MPP7: variants seen among roughly 807,000 people sequenced by gnomAD.
MPP7 encodes the protein MAGUK p55 scaffold protein 7.
A neutral mutation model predicts 76.5 loss-of-function variants in MPP7; 60 were observed. The observed-to-expected ratio is 0.78, with a 90% CI of 0.64 to 0.97. The LOEUF is 0.97. Ranked by LOEUF, MPP7 falls within the 50% of genes least tolerant of loss-of-function variation. The pLI is 0.00. For missense variants in MPP7, 641 were observed against 694.0 expected, an observed-to-expected ratio of 0.92 and a Z score of 0.86; for synonymous variants, 237 against 244.5, an observed-to-expected ratio of 0.97 and a Z score of 0.29.
intron 11 of MPP7, among the ~76,000 whole-genome samples, chr10:28,109,174 G>C (rs1834418329): frequency 6.6e-6 from 1 of 152,084 alleles, no homozygotes; most frequent in African/African-American, 2.4e-5. Flanking sequence ...TGTAATCCCA[G>C]CTACTCAGGA....
chr10:28,119,848 A>C (rs920681769), intron 10 of MPP7, 133 bp from the exon 11 acceptor site: 1 of 658,702 alleles, frequency 1.5e-6, no homozygotes, highest in Non-Finnish European at 2.5e-6. Flanking sequence ...ATAGATTCAA[A>C]TTAAGAAACA....
At chr10:28,203,324 G>A (rs144678765) in intron 2 of MPP7, 32 of 152,170 alleles carry the variant, frequency 2.1e-4, no homozygotes, top group African/African-American at 7.5e-4. Flanking sequence ...ATGGGCTGAT[G>A]ATTCGTATAT....
intron 2 of MPP7, among the ~76,000 whole-genome samples, chr10:28,222,847 A>T (rs1322667806): frequency 7.8e-6 from 1 of 127,890 alleles, no homozygotes; most frequent in Non-Finnish European, 1.6e-5. Context: ...GCAAGACTCC[A>T]TCTCAAAAAA....
rs375248260 is a variant in MPP7 at position 28,058,524 on chromosome 10, T to C, written c.1378A>G (p.Lys460Glu). ...DSVRSVLAKN[K>E]VCLLDVQPHT... Reference sequence around the variant, plus strand: ...GGCTGAACATCCAACAAACAAACTTTGTTTTTAGCAAGGACAGACCGAACT... The same window carrying C: ...GGCTGAACATCCAACAAACAAACTTCGTTTTTAGCAAGGACAGACCGAACT... Residue 460 changes from lysine to glutamate, a missense_variant, in exon 15 of 17, where the codon AAA becomes GAA. By Grantham distance (56) the Lys-to-Glu change is moderately conservative. Transcript: ENST00000683449. 1 of 1,602,774 alleles carries C rather than the reference T, an allele frequency of 6.2e-7. No homozygotes were observed.
intron 1 of MPP7, among the ~76,000 whole-genome samples, chr10:28,288,520 A>C (rs3939436): frequency 6.6e-6 from 1 of 152,164 alleles, no homozygotes; most frequent in African/African-American, 2.4e-5. Context: ...GGATTGCAGG[A>C]ATGAGCCACC....
intron 1 of MPP7, among the ~76,000 whole-genome samples, chr10:28,284,512 C>T (rs184081959): frequency 5.3e-5 from 8 of 152,316 alleles, no homozygotes; most frequent in South Asian, 2.1e-4. Context: ...CCTTTCTCCT[C>T]TCACCCTAAT....
At chr10:28,092,342 C>A (rs1487343845) in intron 11 of MPP7, among the ~76,000 whole-genome samples, 1 of 152,036 alleles carries the variant, frequency 6.6e-6, no homozygotes, top group Non-Finnish European at 1.5e-5. Flanking sequence ...GAGAATAGGA[C>A]AAGTTGTAAA....
intron 3 of MPP7, among the ~76,000 whole-genome samples, chr10:28,165,671 A>T (rs990739095): frequency 1.3e-5 from 2 of 152,224 alleles, no homozygotes. Context: ...CATCTTCCAA[A>T]AATCATTTTG....
chr10:28,169,541 T>C (rs1836608586), intron 3 of MPP7, among the ~76,000 whole-genome samples: 1 of 152,104 alleles, frequency 6.6e-6, no homozygotes, highest in Non-Finnish European at 1.5e-5. Flanking sequence ...TAATACACGT[T>C]AGATAATTGC....
intron 1 of MPP7, among the ~76,000 whole-genome samples, chr10:28,258,871 C>G (rs1839867356): frequency 1.3e-5 from 2 of 152,094 alleles, no homozygotes; most frequent in African/African-American, 4.8e-5. Flanking sequence ...AGAGAGAGCT[C>G]TCCACACAGT....
chr10:28,143,724 T>C (rs1835604850), intron 5 of MPP7, among the ~76,000 whole-genome samples: 1 of 151,232 alleles, frequency 6.6e-6, no homozygotes, highest in Non-Finnish European at 1.5e-5. Context: ...ACTCTAGTGG[T>C]GACTTTTCTC....
chr10:28,267,169 G>A (rs1462564844), intron 1 of MPP7, among the ~76,000 whole-genome samples: 1 of 152,176 alleles, frequency 6.6e-6, no homozygotes, highest in Non-Finnish European at 1.5e-5. Flanking sequence ...CTGCTTTTAT[G>A]TTACAATGGC....
chr10:28,253,185 C>T (rs1211439491), intron 1 of MPP7, among the ~76,000 whole-genome samples: 1 of 152,078 alleles, frequency 6.6e-6, no homozygotes, highest in Non-Finnish European at 1.5e-5. Flanking sequence ...GGATTACAGG[C>T]GTGAGCCACG....
At chr10:28,122,393 T>A (rs1017439260) in intron 8 of MPP7, among the ~76,000 whole-genome samples, 1 of 152,236 alleles carries the variant, frequency 6.6e-6, no homozygotes, top group Non-Finnish European at 1.5e-5. Context: ...TTTTGAAAAA[T>A]TTTGTTTATA....
At chr10:28,228,385 G>A (rs1838767250) in intron 2 of MPP7, among the ~76,000 whole-genome samples, 1 of 152,146 alleles carries the variant, frequency 6.6e-6, no homozygotes, top group Non-Finnish European at 1.5e-5. Context: ...TTTGGTACCA[G>A]AAGTGAGGTT....
At chr10:28,162,485 C>T (rs969715735) in intron 3 of MPP7, among the ~76,000 whole-genome samples, 6 of 151,984 alleles carry the variant, frequency 3.9e-5, no homozygotes, top group East Asian at 1.9e-4. Context: ...CTATACTTAC[C>T]GGGAAAGAGA....
chr10:28,303,672 C>A (rs1290515648), upstream of MPP7, among the ~76,000 whole-genome samples: 2 of 152,024 alleles, frequency 1.3e-5, no homozygotes, highest in Non-Finnish European at 2.9e-5. Context: ...AAAAAAAATT[C>A]TTAAATAGAA....
intron 2 of MPP7, among the ~76,000 whole-genome samples, chr10:28,324,416 G>T (rs912305239): frequency 6.6e-5 from 10 of 152,172 alleles, no homozygotes; most frequent in African/African-American, 2.4e-4. Flanking sequence ...TAAGACAATA[G>T]AAAACACAGA....
intron 1 of MPP7, among the ~76,000 whole-genome samples, chr10:28,299,976 C>T (rs1202690913): frequency 6.6e-6 from 1 of 152,068 alleles, no homozygotes; most frequent in Non-Finnish European, 1.5e-5. Flanking sequence ...ACCGTGTTAG[C>T]CAGGATGGTC....
Sources: gnomAD v4.1 joint callset for allele counts (sites outside exome capture counted in the v4.1 genomes callset) on GRCh38, gnomAD v4.1.1 for gene constraint, MANE v1.5 for transcripts, NCBI Gene and HGNC (gene_info 2026-07-23, HGNC 2026-07-21) for gene names.